Variants in SPINK5 observed in about 807,000 individuals in gnomAD.
SPINK5 encodes the protein serine protease inhibitor Kazal-type 5.
A neutral mutation model predicts 151.8 loss-of-function variants in SPINK5; 125 were observed. The observed-to-expected ratio is 0.82, with a 90% CI of 0.71 to 0.96. The LOEUF is 0.96. Among genes scored for constraint, SPINK5 ranks in the 40% least tolerant of loss-of-function variants. The pLI is 0.00. For synonymous variants in SPINK5, 374 were observed against 395.3 expected (o/e 0.95, Z 0.64); for missense variants, 1,194 against 1,291.9 (o/e 0.92, Z 1.16).
chr5:148,107,181 T>C lies in SPINK5; in HGVS notation c.1607+17T>C. The C allele has an allele frequency of 6.2e-7, 1 of 1,609,428 alleles. No individual in the cohort carries two copies. Among genetic ancestry groups the C allele is most frequent in the Non-Finnish European group, 8.5e-7 (1 of 1,177,164 alleles). ...CAGTGTGTTGTGAGTGTCCACCCCA[T>C]CTCTCCCACTGAATTTCTTCATCCA... is the stretch of plus-strand genomic sequence containing the variant. On this transcript the variant is annotated intron_variant, in intron 17 of 32. Coordinates refer to ENST00000256084, the MANE Select transcript of SPINK5 (RefSeq NM_006846.4).
rs1046561571 is a variant in SPINK5 at position 148,067,144 on chromosome 5, A to G, written c.81+1772A>G. Among the ~76,000 whole-genome samples, 8 of 152,204 alleles carry G rather than the reference A, an allele frequency of 5.3e-5. No homozygotes were observed. In the East Asian group the frequency reaches 9.6e-4, roughly 18 times the overall value. ...GCATGCTTAAATTTGTCATCACCTAAGAGTCATTCTTCAGGCAAAAGCAAG... is the reference window on the plus strand; with the variant it reads ...GCATGCTTAAATTTGTCATCACCTAGGAGTCATTCTTCAGGCAAAAGCAAG... On this transcript the variant is annotated intron_variant, in intron 2 of 32. Coordinates refer to ENST00000256084, the MANE Select transcript of SPINK5 (RefSeq NM_006846.4).
At chr5:148,115,393 C>T in intron 21 of SPINK5, among the ~76,000 whole-genome samples, 1 of 152,136 alleles carries the variant, frequency 6.6e-6, no homozygotes, top group East Asian at 1.9e-4. Context: ...CAGTAAGTGG[C>T]ATAAATATTG....
chr5:148,093,683 C>A (rs965110783), intron 8 of SPINK5, among the ~76,000 whole-genome samples: 1 of 150,082 alleles, frequency 6.7e-6, no homozygotes, highest in African/African-American at 2.4e-5. Context: ...GATTTGGCTG[C>A]TGCATTTTGT....
Position 148,125,775 on chromosome 5 carries a change from CT to C in SPINK5, c.2793del (p.Arg932GlufsTer26). On this transcript the variant is annotated frameshift_variant, in exon 29 of 33. Transcript: ENST00000256084. LOFTEE classifies it high-confidence loss of function. ...ATAAGGAACAATGAACTCATCTGCC[CT>C]AGAGAGAATGACCCAGTGCACGGTG... is the stretch of plus-strand genomic sequence containing the variant. Reference protein sequence around the residue: ...NYIRNNELICPRENDPVHGAD... With the variant: ...NYIRNNELICXRENDPVHGAD... 1 of 1,614,148 alleles carries C rather than the reference CT, an allele frequency of 6.2e-7. No individual in the cohort carries two copies. The highest frequency in any genetic ancestry group is 1.1e-5 in the South Asian group (1 of 91,090).
intron 18 of SPINK5, among the ~76,000 whole-genome samples, chr5:148,109,844 A>G (rs1484124858): frequency 6.6e-6 from 1 of 152,214 alleles, no homozygotes; most frequent in Non-Finnish European, 1.5e-5. Flanking sequence ...CACTCAAAGT[A>G]AAAATCAAGG....
At position 148,091,009 on chromosome 5, in the gene SPINK5, C is replaced by G; in HGVS notation, c.603-156C>G. 5 of 634,930 alleles carry G rather than the reference C, an allele frequency of 7.9e-6. No individual in the cohort carries two copies. In the South Asian group the frequency reaches 9.8e-5, roughly 12 times the overall value. 39.3% of individuals were successfully genotyped at this position (634,930 alleles called of 1,614,324 possible). On this transcript the variant is annotated intron_variant, in intron 7 of 32. Transcript: ENST00000256084. ...TCTTTCCTTATCTTTGGCAATTTCT[C>G]TGGCTCAGGCATTGAAGACGGAAAT...
At chr5:148,088,036 T>TTAAAAG in intron 5 of SPINK5, among the ~76,000 whole-genome samples, 1 of 151,962 alleles carries the variant, frequency 6.6e-6, no homozygotes, top group African/African-American at 2.4e-5. Context: ...TTTGCGGTTC[T>TTAAAAG]GTGTTTTCAG....
intron 20 of SPINK5, 91 bp from the exon 21 acceptor site, chr5:148,114,270 CT>C (rs56820817): frequency 0.016 from 19,233 of 1,235,448 alleles, no homozygotes; most frequent in East Asian, 0.026. Flanking sequence ...TTTTCTCTCT[CT>C]TTTTTTTTTT....
At chr5:148,088,457 G>A (rs962230381) in intron 5 of SPINK5, 85 bp from the exon 6 acceptor site, 6 of 1,182,370 alleles carry the variant, frequency 5.1e-6, no homozygotes, top group Non-Finnish European at 7.6e-6. Flanking sequence ...AAAGGAGAAT[G>A]ACAATGCAAT....
Position 148,100,307 on chromosome 5 carries a change from A to G in SPINK5, c.1093-147A>G, listed in dbSNP as rs2113115817. On this transcript the variant is annotated intron_variant, in intron 12 of 32. Transcript: ENST00000256084. Reference sequence around the variant, plus strand: ...GGCATATGATGTTTTTCTTGTTGTCAAATTGAATTTTACATTTGAGAAAAA... The same window carrying G: ...GGCATATGATGTTTTTCTTGTTGTCGAATTGAATTTTACATTTGAGAAAAA... 3 of 882,630 alleles carry G rather than the reference A, an allele frequency of 3.4e-6. No homozygotes were observed. In the South Asian group the frequency reaches 4.7e-5, roughly 14 times the overall value. The allele number at this position is 882,630 out of a possible 1,614,324, so 54.7% of individuals were successfully genotyped here.
At chr5:148,132,538 T>C (rs1581114788) in intron 31 of SPINK5, among the ~76,000 whole-genome samples, 1 of 152,198 alleles carries the variant, frequency 6.6e-6, no homozygotes, top group Non-Finnish European at 1.5e-5. Flanking sequence ...CAACCTGCTA[T>C]GGAATGTTAT....
chr5:148,106,397 C>T (rs776247966), intron 16 of SPINK5, among the ~76,000 whole-genome samples: 5 of 152,108 alleles, frequency 3.3e-5, no homozygotes, highest in Non-Finnish European at 5.9e-5. Context: ...TCAAAGCTCA[C>T]TACAACTTCG....
At chr5:148,068,540 A>G (rs1303782928) in intron 2 of SPINK5, among the ~76,000 whole-genome samples, 7 of 137,164 alleles carry the variant, frequency 5.1e-5, no homozygotes, top group African/African-American at 2.0e-4. Flanking sequence ...CGATGTAGTG[A>G]GACCCTGCCT....
At chr5:148,123,729 G>A in intron 26 of SPINK5, 104 bp from the exon 27 acceptor site, 1 of 1,520,446 alleles carries the variant, frequency 6.6e-7, no homozygotes, top group Non-Finnish European at 9.0e-7. Flanking sequence ...TCACTTCTCT[G>A]TTTTTTTCCT....
chr5:148,118,782 C>T (rs1754170930), intron 23 of SPINK5, among the ~76,000 whole-genome samples: 1 of 152,158 alleles, frequency 6.6e-6, no homozygotes, highest in Non-Finnish European at 1.5e-5. Context: ...TATTACAATT[C>T]TGTGAACTCT....
At chr5:148,065,058 C>G (rs1322812662) in intron 1 of SPINK5, among the ~76,000 whole-genome samples, 1 of 151,890 alleles carries the variant, frequency 6.6e-6, no homozygotes, top group Non-Finnish European at 1.5e-5. Flanking sequence ...CCGAAAGGAC[C>G]TTTTGAAGAT....
intron 4 of SPINK5, among the ~76,000 whole-genome samples, chr5:148,086,072 A>G (rs1284922107): frequency 6.6e-6 from 1 of 151,852 alleles, no homozygotes; most frequent in Non-Finnish European, 1.5e-5. Flanking sequence ...CATATCCGTA[A>G]TCTACTGGGC....
chr5:148,134,466 T>C (rs1287097711), intron 32 of SPINK5, among the ~76,000 whole-genome samples: 1 of 152,194 alleles, frequency 6.6e-6, no homozygotes, highest in Non-Finnish European at 1.5e-5. Flanking sequence ...AAATGTTTTG[T>C]TATGGGATAA....
At chr5:148,076,155 C>G (rs1186049881) in intron 4 of SPINK5, among the ~76,000 whole-genome samples, 10 of 151,700 alleles carry the variant, frequency 6.6e-5, no homozygotes, top group Non-Finnish European at 1.3e-4. Context: ...GCATGCCCTC[C>G]CCTGTACACA....
Sources: gnomAD v4.1 joint callset for allele counts (sites outside exome capture counted in the v4.1 genomes callset) on GRCh38, gnomAD v4.1.1 for gene constraint, MANE v1.5 for transcripts, NCBI Gene and HGNC (gene_info 2026-07-23, HGNC 2026-07-21) for gene names.